Variants in PDE10A observed in about 807,000 individuals in gnomAD.
PDE10A encodes the protein phosphodiesterase 10A, also known as cAMP and cAMP-inhibited cGMP 3',5'-cyclic phosphodiesterase 10A.
Under a neutral mutation model 97.7 loss-of-function variants are expected in PDE10A, and 39 were observed. The ratio of observed to expected loss-of-function variants is 0.40; its 90% CI spans 0.31 to 0.52. The LOEUF is 0.52. Among genes scored for constraint, PDE10A ranks in the 20% least tolerant of loss-of-function variants. The pLI, the probability that PDE10A is intolerant of heterozygous loss-of-function variation, is 0.56. For synonymous variants in PDE10A, 371 were observed against 376.8 expected (o/e 0.98, Z 0.18); for missense variants, 731 against 1,047.8 (o/e 0.70, Z 4.17).
chr6:165,975,428 G>A (rs1308105567), intron 1 of PDE10A, among the ~76,000 whole-genome samples: 1 of 152,122 alleles, frequency 6.6e-6, no homozygotes, highest in African/African-American at 2.4e-5. Context: ...AACATAGCGA[G>A]ACCTCATCTC....
chr6:165,526,740 C>T (rs1476418042), intron 2 of PDE10A, among the ~76,000 whole-genome samples: 1 of 152,208 alleles, frequency 6.6e-6, no homozygotes, highest in Non-Finnish European at 1.5e-5. Flanking sequence ...ATTAACACAT[C>T]TCCTGGTACC....
chr6:165,601,094 C>T (rs757114054), intron 1 of PDE10A, among the ~76,000 whole-genome samples: 34 of 152,236 alleles, frequency 2.2e-4, no homozygotes, highest in Admixed American at 3.9e-4. Flanking sequence ...TTGGTCTTTC[C>T]CGTGCTACTC....
chr6:165,773,496 A>T (rs1209406850), intron 1 of PDE10A, among the ~76,000 whole-genome samples: 2 of 152,184 alleles, frequency 1.3e-5, no homozygotes, highest in Non-Finnish European at 2.9e-5. Context: ...AAAATATATA[A>T]TTTACAAATA....
intron 1 of PDE10A, among the ~76,000 whole-genome samples, chr6:165,638,587 C>T (rs1235321419): frequency 6.6e-6 from 1 of 152,034 alleles, no homozygotes; most frequent in Non-Finnish European, 1.5e-5. Context: ...TTTTATATTG[C>T]CACATCACTA....
intron 18 of PDE10A, among the ~76,000 whole-genome samples, chr6:165,366,548 A>G (rs1301921366): frequency 6.6e-6 from 1 of 152,206 alleles, no homozygotes; most frequent in Non-Finnish European, 1.5e-5. Flanking sequence ...AAGAAGATTT[A>G]AACGTTGAAA....
At chr6:165,860,273 G>T (rs1780862787) in intron 1 of PDE10A, among the ~76,000 whole-genome samples, 1 of 152,112 alleles carries the variant, frequency 6.6e-6, no homozygotes. Flanking sequence ...GACCAACATG[G>T]AGAAACCCCA....
At chr6:165,447,625 A>G (rs1386424847) in intron 5 of PDE10A, among the ~76,000 whole-genome samples, 4 of 152,230 alleles carry the variant, frequency 2.6e-5, no homozygotes, top group Non-Finnish European at 5.9e-5. Context: ...ACACTTTAAA[A>G]ATAATTTTTA....
intron 6 of PDE10A, among the ~76,000 whole-genome samples, chr6:165,433,798 G>A (rs1053355323): frequency 6.6e-6 from 1 of 151,926 alleles, no homozygotes; most frequent in Non-Finnish European, 1.5e-5. Context: ...GGCGGATCAC[G>A]AGGTCAGGAG....
At chr6:165,674,094 CT>C (rs1261814731) in intron 1 of PDE10A, among the ~76,000 whole-genome samples, 2 of 152,108 alleles carry the variant, frequency 1.3e-5, no homozygotes, top group Admixed American at 6.5e-5. Flanking sequence ...AGACTGTAGC[CT>C]TTGTTCTAGA....
intron 1 of PDE10A, among the ~76,000 whole-genome samples, chr6:165,943,045 A>G (rs1783585782): frequency 6.6e-6 from 1 of 151,420 alleles, no homozygotes; most frequent in Non-Finnish European, 1.5e-5. Flanking sequence ...GATTTTAGAT[A>G]GCCCTTGTAT....
At chr6:165,411,552 A>C (rs940369293) in intron 13 of PDE10A, among the ~76,000 whole-genome samples, 5 of 152,236 alleles carry the variant, frequency 3.3e-5, no homozygotes, top group Non-Finnish European at 7.3e-5. Context: ...ACTGTGAGAA[A>C]AAAATTTCCT....
chr6:165,829,545 G>A (rs1417650665), intron 1 of PDE10A, among the ~76,000 whole-genome samples: 1 of 152,228 alleles, frequency 6.6e-6, no homozygotes, highest in African/African-American at 2.4e-5. Flanking sequence ...TTCGCCATCA[G>A]GAACCGGGCA....
intron 1 of PDE10A, among the ~76,000 whole-genome samples, chr6:165,793,052 A>G (rs1778700706): frequency 6.6e-6 from 1 of 152,132 alleles, no homozygotes; most frequent in South Asian, 2.1e-4. Flanking sequence ...CTCAAAAATA[A>G]CACAATGTGT....
Position 165,367,911 on chromosome 6 carries a change from GTTGGAAATTTGGA to G in PDE10A, c.2783+11270_2783+11282del, listed in dbSNP as rs562619435. 1.2e-4 allele frequency among the ~76,000 whole-genome samples: 18 copies of G among 152,278 alleles called. No homozygotes were observed. In the South Asian group the frequency reaches 3.7e-3, roughly 32 times the overall value. ...TTTGGGCTCAAATGAAATGATAGAA[GTTGGAAATTTGGA>G]TTTACATTAATGAATTAAAAACAGA... On this transcript the variant is annotated intron_variant, in intron 18 of 21. Coordinates refer to ENST00000539869, the MANE Select transcript of PDE10A (RefSeq NM_001385079.1).
intron 1 of PDE10A, among the ~76,000 whole-genome samples, chr6:165,764,145 T>C (rs1287163715): frequency 1.3e-5 from 2 of 152,188 alleles, no homozygotes; most frequent in African/African-American, 4.8e-5. Flanking sequence ...AGTAGACGGA[T>C]GAGGCTCTTG....
At chr6:165,442,249 C>A (rs1291119260) in intron 5 of PDE10A, among the ~76,000 whole-genome samples, 3 of 152,056 alleles carry the variant, frequency 2.0e-5, no homozygotes, top group Non-Finnish European at 4.4e-5. Context: ...CCCATCAACT[C>A]GTCATTTAGC....
chr6:165,824,968 T>TAA (rs71890265), intron 1 of PDE10A, among the ~76,000 whole-genome samples: 2,261 of 92,328 alleles, frequency 0.024, 82 homozygotes, highest in East Asian at 0.11. Flanking sequence ...CCGTCTCTAC[T>TAA]AAAAAAAAAA....
At chr6:165,656,613 T>C (rs1251934146) in intron 1 of PDE10A, among the ~76,000 whole-genome samples, 3 of 152,060 alleles carry the variant, frequency 2.0e-5, no homozygotes, top group African/African-American at 7.2e-5. Context: ...TAAGTAATCC[T>C]CTCTCCTGTC....
intron 1 of PDE10A, among the ~76,000 whole-genome samples, chr6:165,595,731 G>A (rs914557133): frequency 6.6e-6 from 1 of 152,224 alleles, no homozygotes; most frequent in Non-Finnish European, 1.5e-5. Flanking sequence ...AGCACCAGTA[G>A]ACTCAACGTC....
Sources: gnomAD v4.1 joint callset for allele counts (sites outside exome capture counted in the v4.1 genomes callset) on GRCh38, gnomAD v4.1.1 for gene constraint, MANE v1.5 for transcripts, NCBI Gene and HGNC (gene_info 2026-07-23, HGNC 2026-07-21) for gene names.